Variants in CCDC9 observed in about 807,000 individuals in gnomAD.
CCDC9 encodes coiled-coil domain-containing protein 9.
In CCDC9, 52 loss-of-function variants were observed where a neutral mutation model predicts 65.6. That is an observed-to-expected ratio of 0.79 (90% CI 0.63 to 1.00). The LOEUF (loss-of-function observed/expected upper bound fraction) is 1.00. Among genes scored for constraint, CCDC9 ranks in the 50% least tolerant of loss-of-function variants. The probability of loss-of-function intolerance (pLI) is 0.00; values close to 1 mark genes in which losing one functional copy is unlikely to be tolerated. For missense variants in CCDC9, 834 were observed against 757.2 expected, an observed-to-expected ratio of 1.10 and a Z score of -1.19; for synonymous variants, 332 against 280.3, an observed-to-expected ratio of 1.18 and a Z score of -1.84.
At chr19:47,264,513 G>A (rs2059067319) in intron 5 of CCDC9, 90 bp from the exon 6 acceptor site, 1 of 1,242,232 alleles carries the variant, frequency 8.1e-7, no homozygotes, top group African/African-American at 1.5e-5. Context: ...CCGAGGAGAG[G>A]AGCCTCAGGC....
chr19:47,271,777 G>C lies in CCDC9; in HGVS notation c.*99G>C, dbSNP rs1023162862. ...CGCGCGCGCTAGAGGGGTGTGGCTG[G>C]TGGGGGACCCTTGGGGCTGGGCCCT... On this transcript the variant is annotated 3_prime_UTR_variant, in exon 12 of 12. Coordinates refer to ENST00000221922, the MANE Select transcript of CCDC9 (RefSeq NM_015603.3). 696 of 1,467,702 alleles carry C rather than the reference G, an allele frequency of 4.7e-4. 2 individuals are homozygous for C. The highest frequency in any genetic ancestry group is 5.6e-4 in the Non-Finnish European group (627 of 1,115,948). 90.9% of individuals were successfully genotyped at this position (1,467,702 alleles called of 1,614,324 possible). A position where few individuals can be genotyped will look rare whatever the true frequency, so the allele number is the denominator to read the frequency against.
downstream of CCDC9, chr19:47,275,018 A>G: frequency 1.3e-6 from 2 of 1,483,752 alleles, no homozygotes; most frequent in Non-Finnish European, 1.8e-6. Context: ...TGGCTCCGGT[A>G]TGCGCCTACT....
downstream of CCDC9, chr19:47,273,247 C>A: frequency 1.7e-6 from 1 of 592,842 alleles, no homozygotes; most frequent in Non-Finnish European, 2.5e-6. Context: ...CCTGCTGTGG[C>A]AAGGGCTCGA....
intron 5 of CCDC9, among the ~76,000 whole-genome samples, chr19:47,261,051 G>A (rs896192313): frequency 4.0e-5 from 6 of 149,404 alleles, no homozygotes; most frequent in African/African-American, 1.2e-4. Flanking sequence ...TCCCTCTCAC[G>A]CCTAGAGCTC....
At chr19:47,269,956 C>T (rs540700909) in intron 8 of CCDC9, among the ~76,000 whole-genome samples, 1 of 151,920 alleles carries the variant, frequency 6.6e-6, no homozygotes, top group African/African-American at 2.4e-5. Flanking sequence ...TCTTGCCCAT[C>T]ACCTGGTCCT....
Position 47,266,704 on chromosome 19 carries a change from G to A in CCDC9, c.814G>A (p.Glu272Lys). The change falls in exon 8 of 12, where the codon GAG becomes AAG. Residue 272 changes from glutamate to lysine, a missense_variant. By Grantham distance (56) the Glu-to-Lys change is moderately conservative. Coordinates refer to ENST00000221922, the MANE Select transcript of CCDC9 (RefSeq NM_015603.3). ...SEYLRWKQER[E>K]KIDQERLQRH... ...GTACCTGCGCTGGAAGCAGGAGAGG[G>A]AGAAGATCGACCAGGAGCGGCTGCA... 1 of 1,611,528 alleles carries A rather than the reference G, an allele frequency of 6.2e-7. No homozygotes were observed. Among genetic ancestry groups the A allele is most frequent in the Non-Finnish European group, 8.5e-7 (1 of 1,178,876 alleles).
Position 47,264,904 on chromosome 19 carries a change from C to T in CCDC9, c.678C>T (p.Pro226=), listed in dbSNP as rs200234430. 153 of 1,464,712 alleles carry T rather than the reference C, an allele frequency of 1.0e-4. No individual in the cohort carries two copies. Among genetic ancestry groups the T allele is most frequent in the Admixed American group, 2.2e-4 (8 of 36,820 alleles). 90.7% of individuals were successfully genotyped at this position (1,464,712 alleles called of 1,614,324 possible). A position where few individuals can be genotyped will look rare whatever the true frequency, so the allele number is the denominator to read the frequency against. ...SRRHGRNWGG[P]DFERVRCGLE... ...GGCACGGCCGCAACTGGGGGGGCCC[C>T]GACTTCGAGCGGGTGCGCTGTGGCC... Residue 226 remains proline (P), a synonymous_variant, in exon 7 of 12, where the codon CCC becomes CCT. Coordinates refer to ENST00000221922, the MANE Select transcript of CCDC9 (RefSeq NM_015603.3).
intron 7 of CCDC9, among the ~76,000 whole-genome samples, chr19:47,265,721 T>C (rs926945266): frequency 2.0e-5 from 3 of 150,850 alleles, no homozygotes; most frequent in African/African-American, 7.3e-5. Context: ...GGAGTCTTGC[T>C]CCATCGCCCA....
downstream of CCDC9, chr19:47,275,218 C>CCGGCGGG: frequency 6.5e-7 from 1 of 1,528,736 alleles, no homozygotes; most frequent in African/African-American, 1.4e-5. Context: ...CTGGGAGTCC[C>CCGGCGGG]CGGCGGGCCG....
chr19:47,260,695 C>A lies in CCDC9; in HGVS notation c.318C>A (p.Gly106=). Residue 106 remains glycine (G), a synonymous_variant, in exon 5 of 12, where the codon GGC becomes GGA. Coordinates refer to ENST00000221922, the MANE Select transcript of CCDC9 (RefSeq NM_015603.3). ...AGCAGGGAGGCCGGGCCGGCATGGG[C>A]CGAGCATCGCGCAGCTGGGAGGGCA... is the stretch of plus-strand genomic sequence containing the variant. The part of the protein sequence containing the change: ...PPQQGGRAGM[G]RASRSWEGSP... 1 of 1,564,168 alleles carries A rather than the reference C, an allele frequency of 6.4e-7. No homozygotes were observed.
intron 3 of CCDC9, among the ~76,000 whole-genome samples, chr19:47,259,240 C>T (rs1158001478): frequency 1.3e-5 from 2 of 152,160 alleles, no homozygotes; most frequent in African/African-American, 4.8e-5. Flanking sequence ...TTGACCTGGG[C>T]AGGTCAGCAG....
downstream of CCDC9, chr19:47,273,569 G>A (rs3745605): frequency 4.0e-5 from 17 of 426,992 alleles, no homozygotes; most frequent in East Asian, 5.0e-4. Flanking sequence ...TAAATCTAAG[G>A]GGGGAGGAGC....
At chr19:47,270,944 C>A in intron 10 of CCDC9, 138 bp from the exon 11 acceptor site, 2 of 747,800 alleles carry the variant, frequency 2.7e-6, no homozygotes, top group South Asian at 1.7e-5. Flanking sequence ...CACATGGGGA[C>A]ACACATCCGC....
Position 47,266,704 on chromosome 19 carries a change from GAGA to G in CCDC9, c.818_820del (p.Lys273del). On this transcript the variant is annotated inframe_deletion, in exon 8 of 12. Coordinates refer to ENST00000221922, the MANE Select transcript of CCDC9 (RefSeq NM_015603.3). The stretch of plus-strand genomic sequence containing the variant: ...GTACCTGCGCTGGAAGCAGGAGAGG[GAGA>G]AGATCGACCAGGAGCGGCTGCAGAG... 1 of 1,611,528 alleles carries G rather than the reference GAGA, an allele frequency of 6.2e-7. No individual in the cohort carries two copies. Among genetic ancestry groups the G allele is most frequent in the Non-Finnish European group, 8.5e-7 (1 of 1,178,876 alleles).
chr19:47,260,482 T>G, intron 4 of CCDC9, 60 bp downstream of exon 4: 1 of 1,606,980 alleles, frequency 6.2e-7, no homozygotes, highest in Non-Finnish European at 8.5e-7. Context: ...GGTTGAGGCC[T>G]GGGACCCAGG....
chr19:47,258,736 C>A, intron 3 of CCDC9, 73 bp downstream of exon 3: 1 of 1,131,164 alleles, frequency 8.8e-7, no homozygotes, highest in Non-Finnish European at 1.3e-6. Flanking sequence ...CTCTCCCTTC[C>A]TTAAAACCTT....
In CCDC9 at chr19:47,271,730, TGTGCGCGC is replaced by T. The variant is rs1369981553; in HGVS notation, c.*54_*61del. On this transcript the variant is annotated 3_prime_UTR_variant, in exon 12 of 12. Transcript: ENST00000221922. ...GTGTGTGTGTGTGTGTGTGTGTGTG[TGTGCGCGC>T]GCGCGCGCGCGCGCGCGCGCGCTAG... 1,169 of 671,846 alleles carry T rather than the reference TGTGCGCGC, an allele frequency of 1.7e-3. 2 individuals carry two copies. Among genetic ancestry groups the T allele is most frequent in the African/African-American group, 7.5e-3 (129 of 17,120 alleles). The allele number at this position is 671,846 out of a possible 1,614,324, so 41.6% of individuals were successfully genotyped here. A position where few individuals can be genotyped will look rare whatever the true frequency, so the allele number is the denominator to read the frequency against.
At chr19:47,274,781 G>C, downstream of CCDC9, 1 of 433,360 alleles carries the variant, frequency 2.3e-6, no homozygotes, top group East Asian at 6.2e-5. Flanking sequence ...GGCAGCTCGC[G>C]TGGGGGCGTG....
chr19:47,263,644 C>T (rs544331787), intron 5 of CCDC9, among the ~76,000 whole-genome samples: 1 of 152,236 alleles, frequency 6.6e-6, no homozygotes, highest in South Asian at 2.1e-4. Flanking sequence ...CGGCTCACTG[C>T]AACCTCCGCC....
Sources: allele counts gnomAD v4.1 joint callset (sites outside exome capture counted in the v4.1 genomes callset), GRCh38; gene constraint gnomAD v4.1.1; transcripts MANE v1.5; gene names NCBI Gene and HGNC (gene_info 2026-07-23, HGNC 2026-07-21).